ZYG11A: variants seen among roughly 807,000 people sequenced by gnomAD.
ZYG11A encodes protein zyg-11 homolog A.
A neutral mutation model predicts 77.2 loss-of-function variants in ZYG11A; 62 were observed. The observed-to-expected ratio is 0.80, with a 90% CI of 0.65 to 0.99. The LOEUF (loss-of-function observed/expected upper bound fraction) is 0.99, where lower values mean the gene tolerates loss of function less well. ZYG11A is among the 50% of genes least tolerant of loss of function. ZYG11A has a pLI of 0.00. For missense variants in ZYG11A, 828 were observed against 896.8 expected (o/e 0.92, Z 0.98); for synonymous variants, 315 against 324.6 (o/e 0.97, Z 0.32).
intron 10 of ZYG11A, 124 bp from the exon 11 acceptor site, chr1:52,881,347 G>A: frequency 1.6e-6 from 1 of 633,292 alleles, no homozygotes; most frequent in Non-Finnish European, 2.7e-6. Context: ...TTGAGGCGGA[G>A]GCGGGTATAA....
chr1:52,853,206 ATAT>A (rs1435042212), intron 1 of ZYG11A, among the ~76,000 whole-genome samples: 1 of 152,224 alleles, frequency 6.6e-6, no homozygotes, highest in Non-Finnish European at 1.5e-5. Flanking sequence ...AAAGAGTATC[ATAT>A]TATGTCACTA....
At position 52,877,542 on chromosome 1, in the gene ZYG11A, G is replaced by A. The variant is rs1047515864; in HGVS notation, c.1543-140G>A. ...GTAGTTGTAATTTATTTTATAGAAA[G>A]AAAATAGATCACACAGCTACTAAGT... On this transcript the variant is annotated intron_variant, in intron 8 of 13. Transcript: ENST00000371528. 1.6e-4 allele frequency: 100 copies of A among 644,462 alleles called. No homozygotes were observed. In the Middle Eastern group the frequency reaches 2.1e-3, roughly 14 times the overall value. The allele number at this position is 644,462 out of a possible 1,614,324, so 39.9% of individuals were successfully genotyped here. A position where few individuals can be genotyped will look rare whatever the true frequency, so the allele number is the denominator to read the frequency against.
rs1021343477 is a variant in ZYG11A at position 52,857,720 on chromosome 1, G to A, written c.979G>A (p.Asp327Asn). ...GLLATDAGSSDFFTTKQGLRV... is the reference protein window; with the variant it reads ...GLLATDAGSSNFFTTKQGLRV... ...ATTGGCCACGGATGCTGGCTCTTCT[G>A]ACTTCTTTACTACAAAGCAAGGCTT... Residue 327 changes from aspartate to asparagine, a missense_variant, in exon 3 of 14, where the codon GAC (aspartate) becomes AAC (asparagine). Asp to Asn is a conservative substitution (Grantham distance 23). Transcript: ENST00000371528. 2.6e-5 allele frequency: 40 copies of A among 1,550,848 alleles called. No homozygotes were observed. The highest frequency in any genetic ancestry group is 3.5e-5 in the Non-Finnish European group (40 of 1,146,614).
intron 13 of ZYG11A, among the ~76,000 whole-genome samples, chr1:52,890,351 C>T (rs1646524527): frequency 1.4e-5 from 2 of 142,946 alleles, no homozygotes; most frequent in South Asian, 2.2e-4. Context: ...TCCCCTGCCT[C>T]AGCCTCCTGG....
chr1:52,893,030 G>C lies in ZYG11A; in HGVS notation c.*73G>C. 1 of 1,345,422 alleles carries C rather than the reference G, an allele frequency of 7.4e-7. No homozygotes were observed. The highest frequency in any genetic ancestry group is 1.0e-6 in the Non-Finnish European group (1 of 988,648). The allele number at this position is 1,345,422 out of a possible 1,614,324, so 83.3% of individuals were successfully genotyped here. On this transcript the variant is annotated 3_prime_UTR_variant, in exon 14 of 14. Transcript: ENST00000371528. ...CTGCCCTGGCAGTAATTGCACATCA[G>C]TTGTCATTGGAGTTTGTGAGTTGGC...
At chr1:52,862,562 T>C (rs1645950233) in intron 4 of ZYG11A, among the ~76,000 whole-genome samples, 1 of 152,042 alleles carries the variant, frequency 6.6e-6, no homozygotes, top group Admixed American at 6.6e-5. Flanking sequence ...TCCGCCCGCA[T>C]TGGCCTCCCA....
chr1:52,844,672 GT>G (rs1418550172), intron 1 of ZYG11A, among the ~76,000 whole-genome samples: 4 of 150,430 alleles, frequency 2.7e-5, no homozygotes, highest in African/African-American at 4.9e-5. Flanking sequence ...TGTTAAATTT[GT>G]TCCTGTTCTT....
chr1:52,873,950 C>G (rs1274051125), intron 8 of ZYG11A, among the ~76,000 whole-genome samples: 1 of 151,624 alleles, frequency 6.6e-6, no homozygotes, highest in Non-Finnish European at 1.5e-5. Context: ...CGCCACTGCA[C>G]TCCAGCCTGG....
At chr1:52,882,720 T>C (rs1445087231) in intron 11 of ZYG11A, among the ~76,000 whole-genome samples, 1 of 152,236 alleles carries the variant, frequency 6.6e-6, no homozygotes, top group African/African-American at 2.4e-5. Context: ...GTCTTTTACT[T>C]GTCAGGATCA....
At chr1:52,879,037 C>G (rs1646316425) in intron 10 of ZYG11A, among the ~76,000 whole-genome samples, 1 of 148,504 alleles carries the variant, frequency 6.7e-6, no homozygotes, top group Non-Finnish European at 1.5e-5. Flanking sequence ...AATCACTTTA[C>G]TATACTACTT....
chr1:52,873,801 T>C (rs908915899), intron 8 of ZYG11A, among the ~76,000 whole-genome samples: 7 of 151,952 alleles, frequency 4.6e-5, no homozygotes, highest in African/African-American at 1.7e-4. Context: ...CTGGCCAACA[T>C]GGTGGAACCC....
intron 8 of ZYG11A, among the ~76,000 whole-genome samples, chr1:52,874,315 C>T (rs1428823554): frequency 3.9e-5 from 6 of 152,112 alleles, no homozygotes; most frequent in African/African-American, 1.4e-4. Context: ...GGGGACCCAT[C>T]TCAACTGCAG....
chr1:52,843,832 G>A (rs1329031820), intron 1 of ZYG11A, among the ~76,000 whole-genome samples: 7 of 152,028 alleles, frequency 4.6e-5, no homozygotes, highest in African/African-American at 1.7e-4. Flanking sequence ...GACTACAGGC[G>A]CGTGCCACCA....
intron 6 of ZYG11A, among the ~76,000 whole-genome samples, chr1:52,867,137 T>G (rs1194738334): frequency 3.9e-5 from 6 of 152,166 alleles, no homozygotes; most frequent in Non-Finnish European, 8.8e-5. Context: ...AGCCCCTGAT[T>G]TGTGAATACA....
At chr1:52,853,878 C>T (rs979110031) in intron 1 of ZYG11A, among the ~76,000 whole-genome samples, 17 of 152,016 alleles carry the variant, frequency 1.1e-4, no homozygotes, top group Non-Finnish European at 2.2e-4. Flanking sequence ...TGCACTCCAG[C>T]CTAGGCGATA....
chr1:52,863,137 C>CA (rs58036271), intron 4 of ZYG11A, among the ~76,000 whole-genome samples: 12 of 151,070 alleles, frequency 7.9e-5, no homozygotes, highest in East Asian at 3.9e-4. Flanking sequence ...TAGCAATATA[C>CA]AAAAAAAAAG....
intron 1 of ZYG11A, 127 bp downstream of exon 1, chr1:52,843,100 C>T: frequency 1.3e-6 from 1 of 748,530 alleles, no homozygotes; most frequent in South Asian, 3.2e-5. Context: ...GGGCTGCGGT[C>T]TAGATGCCGA....
chr1:52,889,614 TAATA>T (rs1029208361), intron 13 of ZYG11A, among the ~76,000 whole-genome samples: 1 of 152,024 alleles, frequency 6.6e-6, no homozygotes, highest in Non-Finnish European at 1.5e-5. Context: ...AGAACATGAC[TAATA>T]AATATATTTT....
chr1:52,877,286 C>A (rs1456446262), intron 8 of ZYG11A, among the ~76,000 whole-genome samples: 1 of 152,068 alleles, frequency 6.6e-6, no homozygotes, highest in Non-Finnish European at 1.5e-5. Flanking sequence ...ATCAGACAAC[C>A]AAAATTTAAA....
Sources: gnomAD v4.1 joint callset for allele counts (sites outside exome capture counted in the v4.1 genomes callset) on GRCh38, gnomAD v4.1.1 for gene constraint, MANE v1.5 for transcripts, NCBI Gene and HGNC (gene_info 2026-07-23, HGNC 2026-07-21) for gene names.